The following BMP2K variants were observed in gnomAD, a reference collection of about 807,000 sequenced individuals.
The protein encoded by BMP2K is BMP2 inducible kinase, also known as BMP-2-inducible protein kinase.
A neutral mutation model predicts 116.0 loss-of-function variants in BMP2K; 74 were observed. The observed-to-expected ratio is 0.64, with a 90% CI of 0.53 to 0.77. BMP2K has a LOEUF of 0.77. Ranked by LOEUF, BMP2K falls within the 30% of genes least tolerant of loss-of-function variation. BMP2K has a pLI of 0.00. For synonymous variants in BMP2K, 486 were observed against 502.5 expected, an observed-to-expected ratio of 0.97 and a Z score of 0.44; for missense variants, 1,365 against 1,403.6, an observed-to-expected ratio of 0.97 and a Z score of 0.44.
chr4:78,795,939 G>C (rs1728242078), intron 1 of BMP2K, among the ~76,000 whole-genome samples: 1 of 151,432 alleles, frequency 6.6e-6, no homozygotes, highest in Non-Finnish European at 1.5e-5. Context: ...TGACACTGTT[G>C]GTGGGACTGT....
intron 3 of BMP2K, among the ~76,000 whole-genome samples, chr4:78,840,084 GT>G (rs765054712): frequency 1.3e-5 from 2 of 150,574 alleles, no homozygotes; most frequent in African/African-American, 4.9e-5. Flanking sequence ...TGTATTTTTG[GT>G]TTTTTTTTAA....
chr4:78,811,643 T>G (rs960363192), intron 1 of BMP2K, among the ~76,000 whole-genome samples: 1 of 152,246 alleles, frequency 6.6e-6, no homozygotes, highest in Non-Finnish European at 1.5e-5. Context: ...AAGCTTAATC[T>G]TTTAGCTAAA....
At chr4:78,793,481 A>T (rs1168516363) in intron 1 of BMP2K, among the ~76,000 whole-genome samples, 1 of 152,068 alleles carries the variant, frequency 6.6e-6, no homozygotes, top group African/African-American at 2.4e-5. Flanking sequence ...ATAAAGGTTT[A>T]AAAATTTTCA....
At chr4:78,870,488 T>C (rs1161601543) in intron 10 of BMP2K, among the ~76,000 whole-genome samples, 2 of 152,220 alleles carry the variant, frequency 1.3e-5, no homozygotes, top group Non-Finnish European at 2.9e-5. Flanking sequence ...CATGATATTG[T>C]TGAGCAGTGT....
rs200561482 is a variant in BMP2K, at chr4:78,776,730, G to T, written c.178+9G>T. ...AGAGTCGCTGGCCGAAGGTACGGGC[G>T]CCCGGGGAGGCTCGGACAGGCAGGT... is the stretch of plus-strand genomic sequence containing the variant. On this transcript the variant is annotated intron_variant, in intron 1 of 15. Transcript: ENST00000502613. The T allele has an allele frequency of 2.0e-4, 252 of 1,264,002 alleles. 2 individuals are homozygous for T. In the African/African-American group the frequency reaches 3.4e-3, roughly 17 times the overall value. The allele number at this position is 1,264,002 out of a possible 1,614,324, so 78.3% of individuals were successfully genotyped here. A position where few individuals can be genotyped will look rare whatever the true frequency, so the allele number is the denominator to read the frequency against.
intron 9 of BMP2K, among the ~76,000 whole-genome samples, chr4:78,862,872 A>T (rs947674475): frequency 6.6e-5 from 10 of 152,140 alleles, no homozygotes; most frequent in African/African-American, 1.9e-4. Flanking sequence ...AATTGGTCTT[A>T]TCTATGACAT....
chr4:78,777,972 G>A (rs182448455), intron 1 of BMP2K, among the ~76,000 whole-genome samples: 2 of 152,328 alleles, frequency 1.3e-5, no homozygotes, highest in Non-Finnish European at 2.9e-5. Context: ...TTTTTCAGAA[G>A]AATGAATATG....
intron 13 of BMP2K, 82 bp from the exon 14 acceptor site, chr4:78,878,645 TTATAAAG>T (rs1732749927): frequency 2.7e-6 from 3 of 1,091,366 alleles, no homozygotes; most frequent in Non-Finnish European, 3.9e-6. Flanking sequence ...TTCTAAGTAT[TTATAAAG>T]TATAAAGTAG....
intron 8 of BMP2K, 47 bp downstream of exon 8, chr4:78,859,734 G>T (rs377323996): frequency 1.6e-6 from 2 of 1,289,778 alleles, no homozygotes; most frequent in Non-Finnish European, 2.2e-6. Flanking sequence ...TCATTTTATC[G>T]TATGTGAATA....
chr4:78,912,176 T>A lies in BMP2K; in HGVS notation c.*143T>A. 2 of 763,476 alleles carry A rather than the reference T, an allele frequency of 2.6e-6. No homozygotes were observed. Among genetic ancestry groups the A allele is most frequent in the South Asian group, 3.7e-5 (2 of 54,232 alleles). 47.3% of individuals were successfully genotyped at this position (763,476 alleles called of 1,614,324 possible). A position where few individuals can be genotyped will look rare whatever the true frequency, so the allele number is the denominator to read the frequency against. ...ATAGGTGATTTCTAAATAAACCAAA[T>A]AGAAGAATGAAGTATCTCTACAGGG... is the stretch of plus-strand genomic sequence containing the variant. On this transcript the variant is annotated 3_prime_UTR_variant, in exon 16 of 16. Transcript: ENST00000502613.
intron 10 of BMP2K, among the ~76,000 whole-genome samples, chr4:78,869,913 G>A (rs1293969404): frequency 6.6e-6 from 1 of 152,076 alleles, no homozygotes; most frequent in East Asian, 1.9e-4. Context: ...GTCTGAGGAC[G>A]TTTGAGGATA....
chr4:78,868,354 C>T (rs911767636), intron 10 of BMP2K, among the ~76,000 whole-genome samples: 1 of 152,118 alleles, frequency 6.6e-6, no homozygotes, highest in South Asian at 2.1e-4. Flanking sequence ...CCCCGTGATT[C>T]AGTTACCTCC....
chr4:78,871,158 T>C (rs548002754), intron 11 of BMP2K, 98 bp downstream of exon 11: 4 of 1,532,276 alleles, frequency 2.6e-6, no homozygotes, highest in East Asian at 4.5e-5. Flanking sequence ...CACCTTGAAC[T>C]CTAGATTTGA....
chr4:78,830,461 C>T (rs574624142), intron 2 of BMP2K, among the ~76,000 whole-genome samples: 1 of 152,308 alleles, frequency 6.6e-6, no homozygotes, highest in African/African-American at 2.4e-5. Context: ...TCACCAGTAG[C>T]ATTTGCCCTT....
At chr4:78,858,815 T>C (rs1260044951) in intron 7 of BMP2K, among the ~76,000 whole-genome samples, 1 of 151,902 alleles carries the variant, frequency 6.6e-6, no homozygotes, top group African/African-American at 2.4e-5. Context: ...CTTTGAGATG[T>C]CTTAACAAAA....
At chr4:78,809,778 C>G (rs1032755777) in intron 1 of BMP2K, among the ~76,000 whole-genome samples, 4 of 150,844 alleles carry the variant, frequency 2.7e-5, no homozygotes, top group African/African-American at 7.3e-5. Flanking sequence ...GTTCTTTAGA[C>G]ATGGTTTTTA....
At chr4:78,877,496 C>T (rs1373785406) in intron 13 of BMP2K, among the ~76,000 whole-genome samples, 3 of 152,120 alleles carry the variant, frequency 2.0e-5, no homozygotes, top group African/African-American at 7.2e-5. Flanking sequence ...ATATCACTGT[C>T]TTCCACCTCC....
At chr4:78,847,152 A>G (rs1214616401) in intron 5 of BMP2K, 36 bp from the exon 6 acceptor site, 6 of 1,143,736 alleles carry the variant, frequency 5.2e-6, no homozygotes, top group Admixed American at 2.7e-5. Context: ...ATATATATAT[A>G]TATATCTCCA....
chr4:78,882,966 G>A (rs1732932830), intron 14 of BMP2K, among the ~76,000 whole-genome samples: 1 of 151,958 alleles, frequency 6.6e-6, no homozygotes, highest in Non-Finnish European at 1.5e-5. Flanking sequence ...ACCAGTTTCA[G>A]GAGTTTTTCA....
Sources: allele counts gnomAD v4.1 joint callset (sites outside exome capture counted in the v4.1 genomes callset), GRCh38; gene constraint gnomAD v4.1.1; transcripts MANE v1.5; gene names NCBI Gene and HGNC (gene_info 2026-07-23, HGNC 2026-07-21).